Variants in TOGARAM2 observed in about 807,000 individuals in gnomAD.
The protein encoded by TOGARAM2 is TOG array regulator of axonemal microtubules 2.
A neutral mutation model predicts 93.3 loss-of-function variants in TOGARAM2; 85 were observed. That is an observed-to-expected ratio of 0.91 (90% confidence interval 0.76 to 1.09). The LOEUF (loss-of-function observed/expected upper bound fraction) is 1.09, where lower values mean the gene tolerates loss of function less well. Among genes scored for constraint, TOGARAM2 ranks in the 50% least tolerant of loss-of-function variants. The pLI is 0.00. For missense variants in TOGARAM2, 1,277 were observed against 1,334.5 expected (o/e 0.96, Z 0.67); for synonymous variants, 593 against 552.8 (o/e 1.07, Z -1.02).
In TOGARAM2 at chr2:29,047,033, G is replaced by A. The variant is rs149917276; in HGVS notation, c.2722+1623G>A. The A allele has an allele frequency of 4.1e-3, 626 of 152,810 alleles. 3 individuals are homozygous for A. The highest frequency in any genetic ancestry group is 0.022 in the South Asian group (105 of 4,838). The allele number at this position is 152,810 out of a possible 1,614,324, so 9.5% of individuals were successfully genotyped here. A position where few individuals can be genotyped will look rare whatever the true frequency, so the allele number is the denominator to read the frequency against. On this transcript the variant is annotated intron_variant, in intron 19 of 19. Transcript: ENST00000379558. ...AGCCCAGCTGTGAGCATCCAGAGAG[G>A]GGCCTGGCACATGCTGCATGGCTGA...
At chr2:29,028,458 C>G (rs1053987242) in intron 14 of TOGARAM2, among the ~76,000 whole-genome samples, 49 of 152,292 alleles carry the variant, frequency 3.2e-4, no homozygotes, top group African/African-American at 1.1e-3. Context: ...CCACATCTGC[C>G]TCCCTCCTGC....
At chr2:29,024,082 G>A (rs773951593) in intron 12 of TOGARAM2, 57 bp from the exon 13 acceptor site, 96 of 1,454,692 alleles carry the variant, frequency 6.6e-5, no homozygotes, top group Admixed American at 1.8e-4. Context: ...TTTTCCATGC[G>A]TCCCAGAGCC....
chr2:29,005,279 CATAT>C (rs1673644149), intron 6 of TOGARAM2, among the ~76,000 whole-genome samples: 2 of 120,088 alleles, frequency 1.7e-5, no homozygotes, highest in African/African-American at 3.3e-5. Flanking sequence ...AGTGTGTGTG[CATAT>C]GTGTGTGTGT....
intron 6 of TOGARAM2, among the ~76,000 whole-genome samples, chr2:29,009,746 G>T (rs1267264239): frequency 6.6e-6 from 1 of 152,120 alleles, no homozygotes; most frequent in South Asian, 2.1e-4. Flanking sequence ...GCCGGGAGGG[G>T]CTCTTGCTGG....
At chr2:29,028,539 C>T (rs543778478) in intron 14 of TOGARAM2, among the ~76,000 whole-genome samples, 46 of 152,258 alleles carry the variant, frequency 3.0e-4, no homozygotes, top group African/African-American at 9.9e-4. Flanking sequence ...AATGATAGCT[C>T]ATCATTGTTT....
In TOGARAM2 at chr2:29,026,883, G is replaced by A. The variant is rs371259394; in HGVS notation, c.1884G>A (p.Ala628=). The A allele has an allele frequency of 1.4e-5, 23 of 1,592,074 alleles. No individual in the cohort carries two copies. The highest frequency in any genetic ancestry group is 3.3e-4 in the Middle Eastern group (2 of 6,026). The change falls in exon 14 of 20, where the codon GCG becomes GCA. Residue 628 remains alanine, a synonymous_variant. Coordinates refer to ENST00000379558, the MANE Select transcript of TOGARAM2 (RefSeq NM_199280.4). ...GGAACCCCTTGATCCGGAAATACGC[G>A]GCTGAGCACCTCTCAGCTGTGCTGG... ...YHRNPLIRKY[A]AEHLSAVLEQ... is the part of the protein sequence containing the mutation.
chr2:29,002,696 C>T lies in TOGARAM2; in HGVS notation c.588C>T (p.Asp196=), dbSNP rs553931673. ...GCGGAGTCAAAGAGAAGGGCCTGGACCTACCGGGGAGCATTCCGGGTCCTC... is the reference window on the plus strand; with the variant it reads ...GCGGAGTCAAAGAGAAGGGCCTGGATCTACCGGGGAGCATTCCGGGTCCTC... ...EASGVKEKGL[D]LPGSIPGPHE... Residue 196 remains aspartate, a synonymous_variant, in exon 5 of 20, where the codon GAC becomes GAT. Transcript: ENST00000379558. 32 of 1,614,028 alleles carry T rather than the reference C, an allele frequency of 2.0e-5. No homozygotes were observed. Among genetic ancestry groups the T allele is most frequent in the East Asian group, 1.1e-4 (5 of 44,886 alleles).
Position 28,962,834 on chromosome 2 carries a change from TC to T in TOGARAM2, c.-147+6140del, listed in dbSNP as rs1002217922. Among the ~76,000 whole-genome samples, 13 of 125,854 alleles carry T rather than the reference TC, an allele frequency of 1.0e-4. No homozygotes were observed. The Admixed American group carries it at 1.1e-3, about 10-fold the overall frequency. 82.6% of individuals were successfully genotyped at this position (125,854 alleles called of 152,430 possible). On this transcript the variant is annotated intron_variant, in intron 1 of 6. Transcript: ENST00000401723. ...TTCCCTCCTTCCCTCCTTTCCTCCC[TC>T]CCATCCTCCCTCCCTTCCTTTTCTC...
Position 28,998,212 on chromosome 2 carries a change from T to C in TOGARAM2, c.98T>C (p.Leu33Pro), listed in dbSNP as rs1673094320. ...CGGACCAGTGCTGGGCCCCGGGTGC[T>C]CCCGCCTGGAAGCATCAACTCCAGT... ...IPRTSAGPRVLPPGSINSSLP... is the reference protein window; with the variant it reads ...IPRTSAGPRVPPPGSINSSLP... The change falls in exon 3 of 20, where the codon CTC becomes CCC. Residue 33 changes from leucine (L) to proline (P), a missense_variant. By Grantham distance (98) the Leu-to-Pro change is moderately conservative (BLOSUM62 -3). Transcript: ENST00000379558. The C allele has an allele frequency of 2.5e-6, 4 of 1,611,884 alleles. No homozygotes were observed. Among genetic ancestry groups the C allele is most frequent in the Admixed American group, 1.7e-5 (1 of 59,764 alleles).
chr2:29,025,744 A>G (rs1665311157), intron 13 of TOGARAM2, among the ~76,000 whole-genome samples: 1 of 152,196 alleles, frequency 6.6e-6, no homozygotes, highest in Non-Finnish European at 1.5e-5. Flanking sequence ...CCTTAGAAAG[A>G]GGTGCCATTC....
chr2:28,971,602 C>T (rs1254298158), intron 1 of TOGARAM2, among the ~76,000 whole-genome samples: 1 of 152,144 alleles, frequency 6.6e-6, no homozygotes, highest in Non-Finnish European at 1.5e-5. Flanking sequence ...CGTTCTCTTG[C>T]TTCTGACTCC....
intron 1 of TOGARAM2, chr2:28,972,415 T>G (rs1322526362): frequency 6.6e-6 from 1 of 152,140 alleles, no homozygotes; most frequent in Non-Finnish European, 1.5e-5. Flanking sequence ...TATTATTTAT[T>G]TAGACTAGTC....
At position 29,036,747 on chromosome 2, in the gene TOGARAM2, TGA is replaced by T; in HGVS notation, c.2629_2630del (p.Ser877ProfsTer123). On this transcript the variant is annotated frameshift_variant, in exon 18 of 20. Coordinates refer to ENST00000379558, the MANE Select transcript of TOGARAM2 (RefSeq NM_199280.4). LOFTEE classifies it high-confidence loss of function. ...AAVAVLDAMV[E>X]SLDNLCLLPA... ...CCGTGGCTGTGCTGGATGCGATGGT[TGA>T]GAGCCTGGGTGAGTGTCCCACGTGG... The T allele has an allele frequency of 6.2e-7, 1 of 1,612,852 alleles. No homozygotes were observed. The highest frequency in any genetic ancestry group is 8.5e-7 in the Non-Finnish European group (1 of 1,179,416).
At chr2:29,038,048 G>A (rs1466517923) in intron 18 of TOGARAM2, among the ~76,000 whole-genome samples, 1 of 152,154 alleles carries the variant, frequency 6.6e-6, no homozygotes, top group African/African-American at 2.4e-5. Flanking sequence ...GCCTCCTTGA[G>A]CTCTGGAATT....
At position 29,033,034 on chromosome 2, in the gene TOGARAM2, G is replaced by C. The variant is rs776018087; in HGVS notation, c.2113G>C (p.Ala705Pro). The C allele has an allele frequency of 1.2e-5, 20 of 1,613,642 alleles. No homozygotes were observed. Among genetic ancestry groups the C allele is most frequent in the Non-Finnish European group, 1.6e-5 (19 of 1,179,786 alleles). The change falls in exon 15 of 20, where the codon GCG (alanine) becomes CCG (proline). Residue 705 changes from alanine to proline, a missense_variant. By Grantham distance (27) the Ala-to-Pro change is conservative (BLOSUM62 -1). Coordinates refer to ENST00000379558, the MANE Select transcript of TOGARAM2 (RefSeq NM_199280.4). ...ATCTTACGACTTGCAGAAGGTCATG[G>C]CGGCCATTAAACAGCAGGTGAGCTG... Reference protein sequence around the residue: ...LPSYDLQKVMAAIKQQGIEDN... With the variant: ...LPSYDLQKVMPAIKQQGIEDN...
At chr2:28,986,514 A>G (rs1672476603) in intron 1 of TOGARAM2, among the ~76,000 whole-genome samples, 1 of 152,202 alleles carries the variant, frequency 6.6e-6, no homozygotes, top group Non-Finnish European at 1.5e-5. Context: ...TCAGGTGTGA[A>G]CTGCCTCCTG....
At chr2:28,975,403 T>C (rs1672012803) in intron 1 of TOGARAM2, among the ~76,000 whole-genome samples, 2 of 152,118 alleles carry the variant, frequency 1.3e-5, no homozygotes, top group Admixed American at 1.3e-4. Flanking sequence ...TTTGCCAGGA[T>C]GGTCTCGATC....
intron 1 of TOGARAM2, among the ~76,000 whole-genome samples, chr2:28,990,326 G>GCC (rs1192723552): frequency 1.3e-5 from 2 of 152,276 alleles, no homozygotes; most frequent in African/African-American, 4.8e-5. Context: ...TCCTTCCAAG[G>GCC]CCCCACTTGA....
At chr2:28,997,882 C>T (rs1009101183) in intron 2 of TOGARAM2, among the ~76,000 whole-genome samples, 1 of 151,980 alleles carries the variant, frequency 6.6e-6, no homozygotes, top group Non-Finnish European at 1.5e-5. Context: ...TGGAACAAAG[C>T]CAGGATGCGA....
Sources: allele counts gnomAD v4.1 joint callset (sites outside exome capture counted in the v4.1 genomes callset), GRCh38; gene constraint gnomAD v4.1.1; transcripts MANE v1.5; gene names NCBI Gene and HGNC (gene_info 2026-07-23, HGNC 2026-07-21).